CHMP4B: variants seen among roughly 807,000 people sequenced by gnomAD.
CHMP4B encodes the protein charged multivesicular body protein 4B.
In CHMP4B, 1 loss-of-function variant was observed where a neutral mutation model predicts 25.1. The ratio of observed to expected loss-of-function variants is 0.04; its 90% CI spans 0.01 to 0.19. The LOEUF (loss-of-function observed/expected upper bound fraction) is 0.19, where lower values mean the gene tolerates loss of function less well. Among genes scored for constraint, CHMP4B ranks in the 10% least tolerant of loss-of-function variants. The pLI, the probability that CHMP4B is intolerant of heterozygous loss-of-function variation, is 1.00. For missense variants in CHMP4B, 151 were observed against 289.7 expected, an observed-to-expected ratio of 0.52 and a Z score of 3.48; for synonymous variants, 101 against 115.6, an observed-to-expected ratio of 0.87 and a Z score of 0.81.
chr20:33,836,527 A>G (rs896566001), intron 1 of CHMP4B, among the ~76,000 whole-genome samples: 11 of 151,932 alleles, frequency 7.2e-5, no homozygotes, highest in African/African-American at 2.7e-4. Context: ...ACTTAATATT[A>G]TTTATTCTCT....
chr20:33,826,365 G>T (rs1054386778), intron 1 of CHMP4B, among the ~76,000 whole-genome samples: 5 of 152,122 alleles, frequency 3.3e-5, no homozygotes, highest in African/African-American at 1.2e-4. Flanking sequence ...GAGGGTTGAG[G>T]GGTTATGGGG....
At chr20:33,838,488 T>C (rs1013797063) in intron 1 of CHMP4B, among the ~76,000 whole-genome samples, 4 of 152,148 alleles carry the variant, frequency 2.6e-5, no homozygotes, top group African/African-American at 9.7e-5. Flanking sequence ...ACTCCATCTT[T>C]ACAAAAGGAA....
intron 1 of CHMP4B, among the ~76,000 whole-genome samples, chr20:33,815,619 A>C (rs1978762474): frequency 6.6e-6 from 1 of 152,234 alleles, no homozygotes; most frequent in African/African-American, 2.4e-5. Context: ...TCCATGAAGT[A>C]AGATGTGATG....
chr20:33,823,044 T>TC (rs1386294341), intron 1 of CHMP4B, among the ~76,000 whole-genome samples: 2 of 151,974 alleles, frequency 1.3e-5, no homozygotes, highest in African/African-American at 4.8e-5. Context: ...CGCCTCAGCC[T>TC]CCCAAAGTGC....
chr20:33,852,142 C>T lies in CHMP4B; in HGVS notation c.549C>T (p.Ile183=). 1.2e-6 allele frequency: 2 copies of T among 1,614,194 alleles called. No individual in the cohort carries two copies. Among genetic ancestry groups the T allele is most frequent in the Non-Finnish European group, 1.7e-6 (2 of 1,180,006 alleles). Residue 183 remains isoleucine (I), a synonymous_variant, in exon 4 of 5, where the codon ATC becomes ATT. Coordinates refer to ENST00000217402, the MANE Select transcript of CHMP4B (RefSeq NM_176812.5). ...QEELDKNLLE[I]SGPETVPLPN... ...AACTAGACAAGAATTTGCTGGAAAT[C>T]AGTGGACCCGAAACAGTCCCTCTAC... is the stretch of plus-strand genomic sequence containing the variant.
chr20:33,818,044 G>A (rs1337352778), intron 1 of CHMP4B, among the ~76,000 whole-genome samples: 1 of 152,166 alleles, frequency 6.6e-6, no homozygotes, highest in East Asian at 1.9e-4. Flanking sequence ...TGTGTGAAAA[G>A]GGAAATACTA....
intron 1 of CHMP4B, among the ~76,000 whole-genome samples, chr20:33,813,206 G>C (rs1006160934): frequency 6.6e-6 from 1 of 152,058 alleles, no homozygotes; most frequent in African/African-American, 2.4e-5. Context: ...GAAAAGGCTC[G>C]GAGGTTAGCA....
At chr20:33,852,251 G>A (rs1214736786) in intron 4 of CHMP4B, 48 bp downstream of exon 4, 1 of 1,612,586 alleles carries the variant, frequency 6.2e-7, no homozygotes, top group African/African-American at 1.3e-5. Context: ...TGTGGCAGGT[G>A]ATCTTGTGGT....
chr20:33,817,122 C>T lies in CHMP4B; in HGVS notation c.190+5464C>T, dbSNP rs2072829148. ...GCACAGTGTCTTAATGGCGCATGTG[C>T]CAGCAGTATCTCTTATCCCAGAGGC... is the stretch of plus-strand genomic sequence containing the variant. On this transcript the variant is annotated intron_variant, in intron 1 of 4. Transcript: ENST00000217402. Among the ~76,000 whole-genome samples the T allele has an allele frequency of 2.0e-5, 3 of 152,178 alleles. No homozygotes were observed. The South Asian group carries it at 6.2e-4, about 32-fold the overall frequency.
At chr20:33,837,906 T>C (rs1019063074) in intron 1 of CHMP4B, among the ~76,000 whole-genome samples, 9 of 152,222 alleles carry the variant, frequency 5.9e-5, no homozygotes, top group African/African-American at 2.2e-4. Context: ...ATCTCAGAAC[T>C]ATATGGGTTC....
chr20:33,819,174 AGT>A (rs1293519952), intron 1 of CHMP4B, among the ~76,000 whole-genome samples: 1 of 152,022 alleles, frequency 6.6e-6, no homozygotes, highest in Non-Finnish European at 1.5e-5. Context: ...GGCCTTCCAA[AGT>A]GCTGGGATTA....
intron 1 of CHMP4B, among the ~76,000 whole-genome samples, chr20:33,830,933 G>GATTTTTTTTTTTTTTTT (rs1555792006): frequency 9.8e-6 from 1 of 102,520 alleles, no homozygotes; most frequent in East Asian, 4.7e-4. Context: ...AAGGAACAGA[G>GATTTTTTTTTTTTTTTT]TTTTTTTTTT....
At chr20:33,845,487 T>TC (rs1166577888) in intron 1 of CHMP4B, among the ~76,000 whole-genome samples, 1 of 152,086 alleles carries the variant, frequency 6.6e-6, no homozygotes, top group African/African-American at 2.4e-5. Context: ...CATGTCCGGC[T>TC]AATTTTTGTA....
At position 33,854,193 on chromosome 20, in the gene CHMP4B, G is replaced by A. The variant is rs1184066498; in HGVS notation, c.*633G>A. ...TGAAATGGATGGTGTTCTCTTGAGA[G>A]CAAGTGAGATTGTTAGAATTAAGTT... On this transcript the variant is annotated 3_prime_UTR_variant, in exon 5 of 5. Transcript: ENST00000217402. 1 of 155,252 alleles carries A rather than the reference G, an allele frequency of 6.4e-6. No individual in the cohort carries two copies. The highest frequency in any genetic ancestry group is 1.4e-5 in the Non-Finnish European group (1 of 69,728). 9.6% of individuals were successfully genotyped at this position (155,252 alleles called of 1,614,324 possible).
At chr20:33,814,623 A>G (rs2747535) in intron 1 of CHMP4B, among the ~76,000 whole-genome samples, 94,521 of 151,958 alleles carry the variant, frequency 0.62, 30,317 homozygotes, top group East Asian at 0.91. Flanking sequence ...ACCTGGAAGT[A>G]GTGAGGAGCC....
At chr20:33,819,848 A>G (rs1271156596) in intron 1 of CHMP4B, among the ~76,000 whole-genome samples, 1 of 152,220 alleles carries the variant, frequency 6.6e-6, no homozygotes, top group African/African-American at 2.4e-5. Context: ...AGTGTGGGCT[A>G]TGGAGACATC....
chr20:33,851,994 A>G lies in CHMP4B; in HGVS notation c.484-83A>G, dbSNP rs980128374. The G allele has an allele frequency of 1.4e-5, 22 of 1,577,790 alleles. No homozygotes were observed. In the South Asian group the frequency reaches 1.8e-4, roughly 13 times the overall value. On this transcript the variant is annotated intron_variant, in intron 3 of 4. Transcript: ENST00000217402. ...CCTTCTCAGAGGGGTGTGTGTCTCC[A>G]TGAGCATTAATTAGGTAGGAGGCAT...
At chr20:33,832,891 G>A (rs909714821) in intron 1 of CHMP4B, among the ~76,000 whole-genome samples, 7 of 150,080 alleles carry the variant, frequency 4.7e-5, no homozygotes, top group African/African-American at 9.8e-5. Flanking sequence ...CAATCCTCTC[G>A]CCTCAGCCTC....
intron 1 of CHMP4B, among the ~76,000 whole-genome samples, chr20:33,820,976 G>A (rs1193620496): frequency 6.6e-6 from 1 of 152,190 alleles, no homozygotes; most frequent in African/African-American, 2.4e-5. Context: ...TAATTAATTT[G>A]CTTAATTATT....
Sources: allele counts gnomAD v4.1 joint callset (sites outside exome capture counted in the v4.1 genomes callset), GRCh38; gene constraint gnomAD v4.1.1; transcripts MANE v1.5; gene names NCBI Gene and HGNC (gene_info 2026-07-23, HGNC 2026-07-21).